The following TAOK1 variants were observed in gnomAD, a reference collection of about 807,000 sequenced individuals.
TAOK1 encodes the protein TAO kinase 1, also known as serine/threonine-protein kinase TAO1.
Under a neutral mutation model 138.3 loss-of-function variants are expected in TAOK1, and 21 were observed. The observed-to-expected ratio is 0.15, with a 90% CI of 0.11 to 0.22. The LOEUF (loss-of-function observed/expected upper bound fraction) is 0.22. Ranked by LOEUF, TAOK1 falls within the 10% of genes least tolerant of loss-of-function variation. The probability of loss-of-function intolerance (pLI) is 1.00; values close to 1 mark genes in which losing one functional copy is unlikely to be tolerated. For synonymous variants in TAOK1, 361 were observed against 398.4 expected (o/e 0.91, Z 1.12); for missense variants, 651 against 1,227.7 (o/e 0.53, Z 7.02).
At chr17:29,519,796 A>C (rs2031884362) in intron 16 of TAOK1, among the ~76,000 whole-genome samples, 1 of 152,232 alleles carries the variant, frequency 6.6e-6, no homozygotes, top group African/African-American at 2.4e-5. Context: ...AGTAGCTTTT[A>C]AAATTTAATA....
intron 1 of TAOK1, among the ~76,000 whole-genome samples, chr17:29,397,679 G>GCA (rs1567706756): frequency 7.0e-6 from 1 of 143,078 alleles, no homozygotes; most frequent in African/African-American, 2.6e-5. Flanking sequence ...ATGTATACAT[G>GCA]TATACATGTA....
At chr17:29,391,458 C>T (rs1252695623) in intron 1 of TAOK1, among the ~76,000 whole-genome samples, 3 of 152,122 alleles carry the variant, frequency 2.0e-5, no homozygotes, top group African/African-American at 7.2e-5. Flanking sequence ...GAAATCTATA[C>T]CCCTCTTCTG....
At chr17:29,408,962 C>G (rs1030723968) in intron 1 of TAOK1, among the ~76,000 whole-genome samples, 2 of 152,042 alleles carry the variant, frequency 1.3e-5, no homozygotes, top group African/African-American at 2.4e-5. Flanking sequence ...GTCCACCCGC[C>G]TCAGCCTCCC....
intron 4 of TAOK1, among the ~76,000 whole-genome samples, chr17:29,476,866 G>A (rs1363296075): frequency 6.8e-6 from 1 of 146,326 alleles, no homozygotes. Context: ...TTTATTTTGA[G>A]ACAGAGTCTC....
intron 1 of TAOK1, among the ~76,000 whole-genome samples, chr17:29,444,050 G>T (rs1336734566): frequency 6.6e-6 from 1 of 152,068 alleles, no homozygotes; most frequent in Non-Finnish European, 1.5e-5. Flanking sequence ...GGGAGACAGA[G>T]GTTGCAATGA....
At chr17:29,417,828 T>C (rs1049215820) in intron 1 of TAOK1, among the ~76,000 whole-genome samples, 2 of 152,216 alleles carry the variant, frequency 1.3e-5, no homozygotes, top group African/African-American at 4.8e-5. Flanking sequence ...CTTAATGGTA[T>C]CTTTCACAGA....
chr17:29,476,239 G>T (rs1568372), intron 4 of TAOK1, among the ~76,000 whole-genome samples: 24,329 of 152,180 alleles, frequency 0.16, 2,069 homozygotes, highest in Admixed American at 0.21. Context: ...ATAAGAAGTA[G>T]AAATTTATTT....
chr17:29,522,541 T>C (rs1489877274), intron 17 of TAOK1, 22 bp downstream of exon 17: 1 of 1,613,070 alleles, frequency 6.2e-7, no homozygotes, highest in Admixed American at 1.7e-5. Context: ...CTAAGCTTTT[T>C]GATAACAGGG....
At chr17:29,463,023 G>T (rs2030568131) in intron 2 of TAOK1, among the ~76,000 whole-genome samples, 1 of 151,862 alleles carries the variant, frequency 6.6e-6, no homozygotes, top group African/African-American at 2.4e-5. Flanking sequence ...ACTTTTGCAA[G>T]CTTTTCTTAC....
intron 1 of TAOK1, among the ~76,000 whole-genome samples, chr17:29,415,723 T>C (rs531958488): frequency 2.6e-5 from 4 of 152,346 alleles, no homozygotes; most frequent in African/African-American, 9.6e-5. Context: ...GTAAAGTATT[T>C]GGTGTTTCTG....
At chr17:29,528,408 G>A (rs369720062) in intron 17 of TAOK1, among the ~76,000 whole-genome samples, 2 of 152,130 alleles carry the variant, frequency 1.3e-5, no homozygotes, top group African/African-American at 2.4e-5. Context: ...AAACCATTGC[G>A]AAGTATATCT....
chr17:29,434,957 A>G (rs527309795), intron 1 of TAOK1, among the ~76,000 whole-genome samples: 1 of 152,232 alleles, frequency 6.6e-6, no homozygotes, highest in African/African-American at 2.4e-5. Context: ...AGTAAGGGAG[A>G]GGAAAGGATG....
chr17:29,474,028 G>A (rs939027243), intron 3 of TAOK1, among the ~76,000 whole-genome samples: 1 of 152,106 alleles, frequency 6.6e-6, no homozygotes, highest in East Asian at 1.9e-4. Context: ...GAGCTACCGT[G>A]CCGGCCTACC....
At chr17:29,472,966 A>T (rs1277591720) in intron 3 of TAOK1, among the ~76,000 whole-genome samples, 1 of 152,230 alleles carries the variant, frequency 6.6e-6, no homozygotes, top group African/African-American at 2.4e-5. Flanking sequence ...GAATAAAAAC[A>T]ACATAAATCT....
At chr17:29,458,274 C>T (rs2030442598) in intron 2 of TAOK1, among the ~76,000 whole-genome samples, 1 of 152,140 alleles carries the variant, frequency 6.6e-6, no homozygotes, top group Non-Finnish European at 1.5e-5. Context: ...GTTTTGATTT[C>T]AGTAAATATC....
chr17:29,476,431 C>T (rs780659795), intron 4 of TAOK1, among the ~76,000 whole-genome samples: 8 of 152,090 alleles, frequency 5.3e-5, no homozygotes, highest in Non-Finnish European at 1.2e-4. Context: ...GAAAAAGTAA[C>T]ATTAGATGGG....
chr17:29,474,844 A>C (rs1256135460), intron 3 of TAOK1, among the ~76,000 whole-genome samples: 1 of 96,432 alleles, frequency 1.0e-5, no homozygotes. Flanking sequence ...ACAAACCTTC[A>C]ATTTGTTTTA....
intron 8 of TAOK1, among the ~76,000 whole-genome samples, chr17:29,488,628 TA>T (rs1380086012): frequency 2.0e-5 from 3 of 150,672 alleles, no homozygotes; most frequent in Admixed American, 6.6e-5. Context: ...TTTTAATTGT[TA>T]AAACAATTTT....
In TAOK1 at chr17:29,439,888, ATT is replaced by A. The variant is rs1173580661; in HGVS notation, c.-94-11559_-94-11558del. Among the ~76,000 whole-genome samples the A allele has an allele frequency of 2.3e-4, 22 of 95,790 alleles. No homozygotes were observed. The East Asian group carries it at 4.9e-3, about 21-fold the overall frequency. The allele number at this position is 95,790 out of a possible 152,430, so 62.8% of individuals were successfully genotyped here. A position where few individuals can be genotyped will look rare whatever the true frequency, so the allele number is the denominator to read the frequency against. On this transcript the variant is annotated intron_variant, in intron 1 of 19. Transcript: ENST00000261716. ...CTAAAAAAAAAAAAAAAAAAAAAAA[ATT>A]TTTTTTTAAGATAGTCTGTAATATA...
Sources: gnomAD v4.1 joint callset for allele counts (sites outside exome capture counted in the v4.1 genomes callset) on GRCh38, gnomAD v4.1.1 for gene constraint, MANE v1.5 for transcripts, NCBI Gene and HGNC (gene_info 2026-07-23, HGNC 2026-07-21) for gene names.